Variants in KIAA1328 observed in about 807,000 individuals in gnomAD.
KIAA1328 encodes the protein protein hinderin.
A neutral mutation model predicts 68.1 loss-of-function variants in KIAA1328; 52 were observed. That is an observed-to-expected ratio of 0.76 (90% CI 0.61 to 0.96). KIAA1328 has a LOEUF of 0.96. Ranked by LOEUF, KIAA1328 falls within the 40% of genes least tolerant of loss-of-function variation. The pLI, the probability that KIAA1328 is intolerant of heterozygous loss-of-function variation, is 0.00. For missense variants in KIAA1328, 641 were observed against 677.6 expected (o/e 0.95, Z 0.60); for synonymous variants, 232 against 239.4 (o/e 0.97, Z 0.28).
chr18:36,970,826 C>A (rs953695482), intron 6 of KIAA1328, among the ~76,000 whole-genome samples: 1 of 152,200 alleles, frequency 6.6e-6, no homozygotes. Context: ...GGAAAACATT[C>A]CATACTCATG....
intron 7 of KIAA1328, among the ~76,000 whole-genome samples, chr18:37,079,688 G>A (rs2151792394): frequency 6.6e-6 from 1 of 151,816 alleles, no homozygotes; most frequent in Non-Finnish European, 1.5e-5. Context: ...AGGAGTTTGA[G>A]ACCAGCCTGG....
chr18:36,996,179 G>T (rs1899615374), intron 6 of KIAA1328, among the ~76,000 whole-genome samples: 1 of 152,102 alleles, frequency 6.6e-6, no homozygotes, highest in Admixed American at 6.5e-5. Flanking sequence ...TTTCTACCCT[G>T]TTAGACTCAT....
intron 7 of KIAA1328, among the ~76,000 whole-genome samples, chr18:37,082,622 A>C (rs1170610861): frequency 6.6e-6 from 1 of 152,236 alleles, no homozygotes; most frequent in African/African-American, 2.4e-5. Flanking sequence ...AGTAGTTCAG[A>C]ATCTTGGGAC....
At chr18:36,908,017 A>C (rs1225059369) in intron 5 of KIAA1328, among the ~76,000 whole-genome samples, 1 of 152,128 alleles carries the variant, frequency 6.6e-6, no homozygotes, top group African/African-American at 2.4e-5. Flanking sequence ...TTTGTCTTTC[A>C]AGGAATTTTT....
intron 6 of KIAA1328, among the ~76,000 whole-genome samples, chr18:36,960,570 C>T (rs2051620406): frequency 6.6e-6 from 1 of 152,100 alleles, no homozygotes; most frequent in Admixed American, 6.5e-5. Context: ...CAACAGACAC[C>T]TCATACAGGC....
chr18:37,055,211 A>T (rs557220751), intron 6 of KIAA1328, among the ~76,000 whole-genome samples: 31 of 152,322 alleles, frequency 2.0e-4, no homozygotes, highest in African/African-American at 7.0e-4. Context: ...TACTGCATTG[A>T]TATCTATATG....
chr18:36,847,203 C>T lies in KIAA1328; in HGVS notation c.332+2901C>T, dbSNP rs1600967000. 2.0e-5 allele frequency among the ~76,000 whole-genome samples: 3 copies of T among 151,430 alleles called. No homozygotes were observed. The South Asian group carries it at 6.2e-4, about 31-fold the overall frequency. On this transcript the variant is annotated intron_variant, in intron 4 of 9. Coordinates refer to ENST00000280020, the MANE Select transcript of KIAA1328 (RefSeq NM_020776.3). ...GCATTTGGGTTCTTCAGGTTTTTGCCTTTTATGAATGAAGCTTCCACAAAC... is the reference window on the plus strand; with the variant it reads ...GCATTTGGGTTCTTCAGGTTTTTGCTTTTTATGAATGAAGCTTCCACAAAC...
intron 9 of KIAA1328, among the ~76,000 whole-genome samples, chr18:37,199,215 C>T (rs143936615): frequency 1.3e-5 from 2 of 152,176 alleles, no homozygotes; most frequent in African/African-American, 2.4e-5. Context: ...AGCCTAGTAT[C>T]CATTAGCTAT....
intron 7 of KIAA1328, among the ~76,000 whole-genome samples, chr18:37,144,426 C>T (rs1038001768): frequency 2.0e-5 from 3 of 151,620 alleles, no homozygotes; most frequent in Non-Finnish European, 4.4e-5. Context: ...TTCTCCTTAC[C>T]TTATATCTAG....
chr18:37,042,985 C>G (rs1474713971), intron 6 of KIAA1328, among the ~76,000 whole-genome samples: 1 of 151,972 alleles, frequency 6.6e-6, no homozygotes, highest in Non-Finnish European at 1.5e-5. Context: ...TTTAAGTTCA[C>G]TGATTCTTCT....
rs116174352 is a variant in KIAA1328 at position 37,047,644 on chromosome 18, G to A, written c.577-19246G>A. Among the ~76,000 whole-genome samples, 1,009 of 152,034 alleles carry A rather than the reference G, an allele frequency of 6.6e-3. 14 individuals carry two copies. Among genetic ancestry groups the A allele is most frequent in the African/African-American group, 0.023 (936 of 41,450 alleles). On this transcript the variant is annotated intron_variant, in intron 6 of 9. Coordinates refer to ENST00000280020, the MANE Select transcript of KIAA1328 (RefSeq NM_020776.3). Reference sequence around the variant, plus strand: ...ATTCCAATTTGTCTTCCAAAATTTCGCATAAATGTCAACTCTGCTATGAAA... The same window carrying A: ...ATTCCAATTTGTCTTCCAAAATTTCACATAAATGTCAACTCTGCTATGAAA...
chr18:36,949,599 C>CA (rs1405902921), intron 5 of KIAA1328, among the ~76,000 whole-genome samples: 8 of 109,134 alleles, frequency 7.3e-5, no homozygotes, highest in Non-Finnish European at 9.7e-5. Context: ...TACCCAGCTC[C>CA]CCCCCCCCCA....
At chr18:37,193,733 G>T in intron 9 of KIAA1328, 1 of 636,964 alleles carries the variant, frequency 1.6e-6, no homozygotes, top group Non-Finnish European at 2.8e-6. Context: ...TCACTTGTGA[G>T]AAACAGAAAA....
At chr18:37,101,950 C>A (rs2057631602) in intron 7 of KIAA1328, among the ~76,000 whole-genome samples, 1 of 152,152 alleles carries the variant, frequency 6.6e-6, no homozygotes, top group African/African-American at 2.4e-5. Context: ...AACACCAATT[C>A]TTTAAAAAAT....
chr18:37,095,691 T>C (rs1599244901), intron 7 of KIAA1328, among the ~76,000 whole-genome samples: 1 of 151,696 alleles, frequency 6.6e-6, no homozygotes, highest in Admixed American at 6.6e-5. Flanking sequence ...ACAAAATACA[T>C]AGGGCCAATG....
At chr18:36,855,697 C>T (rs2150863208) in intron 4 of KIAA1328, among the ~76,000 whole-genome samples, 1 of 151,428 alleles carries the variant, frequency 6.6e-6, no homozygotes, top group South Asian at 2.1e-4. Flanking sequence ...GCTTGTGTTT[C>T]TAGTGTCAGA....
chr18:36,937,438 G>A (rs1402062597), intron 5 of KIAA1328, among the ~76,000 whole-genome samples: 1 of 152,096 alleles, frequency 6.6e-6, no homozygotes, highest in Non-Finnish European at 1.5e-5. Context: ...CAGAATGGGA[G>A]AAAATTTTTG....
chr18:37,007,689 C>T (rs187787469), intron 6 of KIAA1328, among the ~76,000 whole-genome samples: 67 of 152,250 alleles, frequency 4.4e-4, no homozygotes, highest in Non-Finnish European at 7.5e-4. Flanking sequence ...ATAAAACCTT[C>T]TAACTAAATG....
chr18:37,188,946 TA>T (rs1245909609), intron 9 of KIAA1328, among the ~76,000 whole-genome samples: 2 of 152,188 alleles, frequency 1.3e-5, no homozygotes, highest in Non-Finnish European at 2.9e-5. Context: ...GCATGAAGAG[TA>T]AATCCCTGTA....
Sources: allele counts gnomAD v4.1 joint callset (sites outside exome capture counted in the v4.1 genomes callset), GRCh38; gene constraint gnomAD v4.1.1; transcripts MANE v1.5; gene names NCBI Gene and HGNC (gene_info 2026-07-23, HGNC 2026-07-21).